DNAH5: variants seen among roughly 807,000 people sequenced by gnomAD.
The protein encoded by DNAH5 is axonemal beta dynein heavy chain 5.
A neutral mutation model predicts 518.2 loss-of-function variants in DNAH5; 372 were observed. That is an observed-to-expected ratio of 0.72 (90% confidence interval 0.66 to 0.78). The LOEUF (loss-of-function observed/expected upper bound fraction) is 0.78. DNAH5 is among the 30% of genes least tolerant of loss of function. The pLI, the probability that DNAH5 is intolerant of heterozygous loss-of-function variation, is 0.00. For synonymous variants in DNAH5, 2,039 were observed against 2,025.9 expected, an observed-to-expected ratio of 1.01 and a Z score of -0.17; for missense variants, 5,523 against 5,687.0, an observed-to-expected ratio of 0.97 and a Z score of 0.93.
At chr5:13,856,795 T>C (rs982923688) in intron 30 of DNAH5, among the ~76,000 whole-genome samples, 1 of 152,186 alleles carries the variant, frequency 6.6e-6, no homozygotes, top group Non-Finnish European at 1.5e-5. Flanking sequence ...GAAAAGGCCT[T>C]TGATAAAATT....
chr5:13,804,911 C>T (rs1759342294), intron 47 of DNAH5, among the ~76,000 whole-genome samples: 1 of 152,148 alleles, frequency 6.6e-6, no homozygotes, highest in African/African-American at 2.4e-5. Flanking sequence ...GTTAAAGAGA[C>T]AGAAACCACA....
At chr5:13,980,436 C>T (rs530246065) in intron 1 of DNAH5, among the ~76,000 whole-genome samples, 25 of 152,308 alleles carry the variant, frequency 1.6e-4, no homozygotes, top group African/African-American at 5.5e-4. Flanking sequence ...GCATCTCCCA[C>T]ATCATGTGCC....
chr5:13,912,248 C>T (rs1197767775), intron 11 of DNAH5, among the ~76,000 whole-genome samples: 1 of 152,084 alleles, frequency 6.6e-6, no homozygotes, highest in East Asian at 1.9e-4. Context: ...GGGCCTCCTT[C>T]TTCTACAATC....
chr5:13,994,634 G>T (rs1253484756), intron 1 of DNAH5, among the ~76,000 whole-genome samples: 1 of 152,182 alleles, frequency 6.6e-6, no homozygotes, highest in Non-Finnish European at 1.5e-5. Flanking sequence ...CTAGAAAGGA[G>T]TCACACCATA....
chr5:13,883,244 G>A (rs149442013), intron 19 of DNAH5, 150 bp from the exon 20 acceptor site: 2 of 951,016 alleles, frequency 2.1e-6, no homozygotes, highest in Admixed American at 4.1e-5. Flanking sequence ...AACTAATGGA[G>A]GATCTAGTAT....
chr5:13,775,346 C>G (rs940975197), intron 55 of DNAH5, among the ~76,000 whole-genome samples: 2 of 151,688 alleles, frequency 1.3e-5, no homozygotes, highest in African/African-American at 4.8e-5. Context: ...ATAAAACTTC[C>G]CCAGTAGGTA....
chr5:13,716,151 A>T (rs1365803335), intron 74 of DNAH5, among the ~76,000 whole-genome samples: 2 of 152,216 alleles, frequency 1.3e-5, no homozygotes, highest in African/African-American at 2.4e-5. Context: ...TGGCAGCCGA[A>T]GTTTCACAGA....
Position 13,923,310 on chromosome 5 carries a change from G to A in DNAH5, c.408C>T (p.Ser136=). The A allele has an allele frequency of 6.2e-7, 1 of 1,614,118 alleles. No individual in the cohort carries two copies. The highest frequency in any genetic ancestry group is 8.5e-7 in the Non-Finnish European group (1 of 1,180,000). Reference sequence around the variant, plus strand: ...GGATGTTGTCAGGGGTGATGGCTTTGGAAGGGTCAGTCCTGATGAAGAACA... The same window carrying A: ...GGATGTTGTCAGGGGTGATGGCTTTAGAAGGGTCAGTCCTGATGAAGAACA... The part of the protein sequence containing the change: ...VCVFFIRTDP[S]KAITPDNIHQ... Residue 136 remains serine, a synonymous_variant, in exon 4 of 79, where the codon TCC becomes TCT. Coordinates refer to ENST00000265104, the MANE Select transcript of DNAH5 (RefSeq NM_001369.3).
chr5:13,831,015 G>A (rs1763606097), intron 35 of DNAH5, among the ~76,000 whole-genome samples: 1 of 152,172 alleles, frequency 6.6e-6, no homozygotes, highest in African/African-American at 2.4e-5. Context: ...GGTTAAACAG[G>A]TTTCTTTACT....
intron 59 of DNAH5, among the ~76,000 whole-genome samples, chr5:13,763,930 CATATT>C (rs565079647): frequency 1.3e-5 from 2 of 152,186 alleles, no homozygotes; most frequent in Non-Finnish European, 2.9e-5. Context: ...GGCAGAGTCT[CATATT>C]ATAATTATCT....
At chr5:13,714,715 A>G in intron 74 of DNAH5, 95 bp from the exon 75 acceptor site, 1 of 1,183,228 alleles carries the variant, frequency 8.5e-7, no homozygotes, top group Middle Eastern at 2.7e-4. Flanking sequence ...CTATGAGGGT[A>G]TGCATTTACT....
chr5:13,751,131 T>G lies in DNAH5; in HGVS notation c.11158A>C (p.Met3720Leu), dbSNP rs1404529153. 6.2e-7 allele frequency: 1 copy of G among 1,613,908 alleles called. No homozygotes were observed. Among genetic ancestry groups the G allele is most frequent in the Non-Finnish European group, 8.5e-7 (1 of 1,179,940 alleles). Residue 3720 changes from methionine to leucine, a missense_variant, in exon 65 of 79, where the codon ATG becomes CTG. Physicochemically the swap from Met to Leu is conservative, Grantham distance 15. Coordinates refer to ENST00000265104, the MANE Select transcript of DNAH5 (RefSeq NM_001369.3). ...AGTAACTGATCTTCTAGACCTTTCA[T>G]GGTGACAGTGAAGTCAATGATGGAG... ...RTSIIDFTVT[M>L]KGLEDQLLGR... is the part of the protein sequence containing the mutation.
chr5:13,823,179 T>C (rs1214824713), intron 40 of DNAH5, 84 bp downstream of exon 40: 9 of 921,812 alleles, frequency 9.8e-6, no homozygotes, highest in East Asian at 9.6e-5. Context: ...AGTGCATAGG[T>C]TGGAGCCACA....
chr5:13,828,733 G>A (rs11748171), intron 38 of DNAH5, among the ~76,000 whole-genome samples: 31,044 of 152,126 alleles, frequency 0.2, 3,389 homozygotes, highest in East Asian at 0.53. Flanking sequence ...GCAAGAAATC[G>A]AAGCCCTCAG....
At chr5:13,778,537 GAGA>G (rs1260338973) in intron 53 of DNAH5, among the ~76,000 whole-genome samples, 3 of 69,390 alleles carry the variant, frequency 4.3e-5, no homozygotes, top group African/African-American at 1.6e-4. Context: ...GAGAGAGAGA[GAGA>G]AGAAAGAAAG....
At chr5:13,824,653 T>C (rs1762662863) in intron 38 of DNAH5, among the ~76,000 whole-genome samples, 1 of 152,180 alleles carries the variant, frequency 6.6e-6, no homozygotes, top group South Asian at 2.1e-4. Flanking sequence ...TAATCAATCA[T>C]ACATAAGGAA....
rs1243469231 is a variant in DNAH5, at chr5:13,793,458, G to C, written c.8224+57C>G. On this transcript the variant is annotated intron_variant, in intron 49 of 78. Transcript: ENST00000265104. The stretch of plus-strand genomic sequence containing the variant: ...GGTCTTGGGTGAAGATTTTCAAAAA[G>C]GAACCCAAGCAGGTGTTCTTCCTCA... The C allele has an allele frequency of 2.7e-6, 4 of 1,482,680 alleles. No individual in the cohort carries two copies. In the East Asian group the frequency reaches 9.1e-5, roughly 34 times the overall value. 91.8% of individuals were successfully genotyped at this position (1,482,680 alleles called of 1,614,324 possible). A position where few individuals can be genotyped will look rare whatever the true frequency, so the allele number is the denominator to read the frequency against.
At chr5:13,885,503 A>G (rs1580742361) in intron 18 of DNAH5, among the ~76,000 whole-genome samples, 1 of 152,168 alleles carries the variant, frequency 6.6e-6, no homozygotes. Flanking sequence ...GAAAAGCTAC[A>G]GTGGCCCCCA....
intron 19 of DNAH5, 53 bp downstream of exon 19, chr5:13,884,936 A>G (rs1196768523): frequency 1.9e-6 from 3 of 1,611,936 alleles, no homozygotes; most frequent in Non-Finnish European, 2.5e-6. Context: ...ACACACACAT[A>G]CCCCAGCAAC....
Sources: gnomAD v4.1 joint callset for allele counts (sites outside exome capture counted in the v4.1 genomes callset) on GRCh38, gnomAD v4.1.1 for gene constraint, MANE v1.5 for transcripts, NCBI Gene and HGNC (gene_info 2026-07-23, HGNC 2026-07-21) for gene names.